The following ADARB1 variants were observed in gnomAD, a reference collection of about 807,000 sequenced individuals.
The protein encoded by ADARB1 is double-stranded RNA-specific editase 1.
In ADARB1, 10 loss-of-function variants were observed where a neutral mutation model predicts 52.4. The ratio of observed to expected loss-of-function variants is 0.19; its 90% CI spans 0.12 to 0.32. The LOEUF is 0.32. Ranked by LOEUF, ADARB1 falls within the 10% of genes least tolerant of loss-of-function variation. ADARB1 has a pLI of 1.00. For missense variants in ADARB1, 643 were observed against 922.3 expected (o/e 0.70, Z 3.92); for synonymous variants, 349 against 371.1 (o/e 0.94, Z 0.68).
At chr21:45,136,718 C>T (rs950918924) in intron 2 of ADARB1, among the ~76,000 whole-genome samples, 3 of 152,240 alleles carry the variant, frequency 2.0e-5, no homozygotes, top group African/African-American at 2.4e-5. Context: ...CCAGAGGAGG[C>T]ACCCTGCCGC....
chr21:45,126,074 A>G (rs765991807), intron 1 of ADARB1, among the ~76,000 whole-genome samples: 12 of 152,106 alleles, frequency 7.9e-5, no homozygotes, highest in Non-Finnish European at 1.3e-4. Context: ...TCTTTTGTCT[A>G]TGGATTATTT....
At chr21:45,159,253 G>C (rs982086283) in intron 2 of ADARB1, among the ~76,000 whole-genome samples, 1 of 152,090 alleles carries the variant, frequency 6.6e-6, no homozygotes, top group Non-Finnish European at 1.5e-5. Flanking sequence ...AGAGAAATGA[G>C]AACCAAGCGA....
chr21:45,090,237 C>T (rs2086509700), intron 1 of ADARB1, among the ~76,000 whole-genome samples: 1 of 152,176 alleles, frequency 6.6e-6, no homozygotes, highest in African/African-American at 2.4e-5. Flanking sequence ...TGATATTAAA[C>T]ATTCCTGCAT....
chr21:45,079,879 C>T (rs1462517147), intron 1 of ADARB1, among the ~76,000 whole-genome samples: 1 of 152,102 alleles, frequency 6.6e-6, no homozygotes, highest in African/African-American at 2.4e-5. Context: ...ATGAGGCATA[C>T]AGTATGGATA....
chr21:45,176,418 C>A lies in ADARB1; in HGVS notation c.717C>A (p.Ile239=). ...PPPSGKNPVM[I]LNELRPGLKY... ...CGAGTGGGAAGAATCCCGTGATGAT[C>A]TTGAACGAACTGCGCCCAGGACTCA... Residue 239 remains isoleucine (I), a synonymous_variant, in exon 4 of 11, where the codon ATC becomes ATA. Transcript: ENST00000348831. This position sits in a 1 kb window ranked among gnomAD's most constrained non-coding sequence, Gnocchi z 5.8. 1 of 1,614,220 alleles carries A rather than the reference C, an allele frequency of 6.2e-7. No individual in the cohort carries two copies. The highest frequency in any genetic ancestry group is 8.5e-7 in the Non-Finnish European group (1 of 1,180,028).
chr21:45,161,920 T>A (rs2090992815), intron 2 of ADARB1, among the ~76,000 whole-genome samples: 1 of 152,170 alleles, frequency 6.6e-6, no homozygotes, highest in Non-Finnish European at 1.5e-5. Flanking sequence ...ACTGTGGGTC[T>A]CTCTGAGCTG....
At chr21:45,196,548 A>C (rs898086289) in intron 8 of ADARB1, among the ~76,000 whole-genome samples, 1 of 152,270 alleles carries the variant, frequency 6.6e-6, no homozygotes, top group Admixed American at 6.5e-5. Flanking sequence ...ACAGTGAGAA[A>C]TAAACTGACA....
chr21:45,137,375 AC>A (rs1473013929), intron 2 of ADARB1: 1 of 151,912 alleles, frequency 6.6e-6, no homozygotes, highest in Non-Finnish European at 1.5e-5. Context: ...ATGACTGCTG[AC>A]CCCCTTCTTA....
chr21:45,148,748 G>A (rs556242215), intron 2 of ADARB1, among the ~76,000 whole-genome samples: 1 of 152,276 alleles, frequency 6.6e-6, no homozygotes, highest in Admixed American at 6.5e-5. Context: ...TCTAACATCC[G>A]CCCCTCCTCT....
At chr21:45,114,090 T>G (rs1393044440) in intron 1 of ADARB1, among the ~76,000 whole-genome samples, 1 of 152,174 alleles carries the variant, frequency 6.6e-6, no homozygotes, top group Non-Finnish European at 1.5e-5. Context: ...CAATCAGAGG[T>G]TGCCATCCTA....
At chr21:45,088,982 C>T (rs1041144075) in intron 1 of ADARB1, among the ~76,000 whole-genome samples, 1 of 152,158 alleles carries the variant, frequency 6.6e-6, no homozygotes, top group Non-Finnish European at 1.5e-5. Flanking sequence ...AGGTCATGAA[C>T]ACTGGAAACA....
At chr21:45,180,539 C>G (rs934758169) in intron 5 of ADARB1, 95 bp downstream of exon 5, 1 of 984,880 alleles carries the variant, frequency 1.0e-6, no homozygotes, top group Non-Finnish European at 1.6e-6. Context: ...GCCACACCGA[C>G]GGGAGATGGT....
At chr21:45,081,065 C>G (rs1601236746) in intron 1 of ADARB1, among the ~76,000 whole-genome samples, 1 of 132,594 alleles carries the variant, frequency 7.5e-6, no homozygotes, top group South Asian at 2.3e-4. Context: ...AAGAAGCCTT[C>G]CCCAGCTTCC....
chr21:45,128,298 C>A lies in ADARB1; in HGVS notation c.-219-104C>A, dbSNP rs1424196486. On this transcript the variant is annotated intron_variant, in intron 1 of 10. Transcript: ENST00000348831. The surrounding 1 kb of genome is among the most constrained non-coding windows in gnomAD (Gnocchi z 4.6). ...TTAAATTTGTATTTAGAAGACTTTTCATGGAGAGTATTTATTGTTATAGAG... is the reference window on the plus strand; with the variant it reads ...TTAAATTTGTATTTAGAAGACTTTTAATGGAGAGTATTTATTGTTATAGAG... 1 of 152,214 alleles carries A rather than the reference C, an allele frequency of 6.6e-6. No homozygotes were observed. The highest frequency in any genetic ancestry group is 1.9e-4 in the East Asian group (1 of 5,204). 9.4% of individuals were successfully genotyped at this position (152,214 alleles called of 1,614,324 possible).
At chr21:45,129,052 G>A (rs968019404) in intron 2 of ADARB1, among the ~76,000 whole-genome samples, 1 of 152,034 alleles carries the variant, frequency 6.6e-6, no homozygotes, top group Non-Finnish European at 1.5e-5. Flanking sequence ...CCAACGTGAC[G>A]AAACCCCATC....
chr21:45,194,858 C>T (rs1316391801), intron 8 of ADARB1, among the ~76,000 whole-genome samples: 1 of 152,130 alleles, frequency 6.6e-6, no homozygotes, highest in Non-Finnish European at 1.5e-5. Flanking sequence ...TTGGCAATTA[C>T]AAATAAAGCA....
At chr21:45,136,669 C>T (rs902419738) in intron 2 of ADARB1, among the ~76,000 whole-genome samples, 1 of 152,256 alleles carries the variant, frequency 6.6e-6, no homozygotes, top group African/African-American at 2.4e-5. Context: ...GCTGCCCCAC[C>T]AGCCAGCGGC....
chr21:45,153,782 C>T (rs1285048924), intron 2 of ADARB1, among the ~76,000 whole-genome samples: 3 of 152,180 alleles, frequency 2.0e-5, no homozygotes, highest in African/African-American at 4.8e-5. Context: ...GCCACACCCT[C>T]GATGCTTTCC....
intron 8 of ADARB1, among the ~76,000 whole-genome samples, chr21:45,189,812 CCACAGGT>C (rs2092230526): frequency 6.6e-6 from 1 of 151,638 alleles, no homozygotes; most frequent in East Asian, 1.9e-4. Flanking sequence ...GCTGAGAAAG[CCACAGGT>C]CTTATGAATC....
Sources: gnomAD v4.1 joint callset for allele counts (sites outside exome capture counted in the v4.1 genomes callset) on GRCh38, gnomAD v4.1.1 for gene constraint, Gnocchi (gnomAD v3.1) non-coding constraint, MANE v1.5 for transcripts, NCBI Gene and HGNC (gene_info 2026-07-23, HGNC 2026-07-21) for gene names.